Variants in QTMAN observed in about 807,000 individuals in gnomAD.
QTMAN encodes queuosine-tRNA mannosyltransferase.
the QTMAN span, among the ~76,000 whole-genome samples, chr2:144,318,198 C>CACACACACACACAT: frequency 1.4e-5 from 2 of 139,200 alleles, no homozygotes; most frequent in African/African-American, 5.1e-5. Flanking sequence ...TAAATAAACA[C>CACACACACACACAT]ACACACACAC....
chr2:144,066,164 T>C, the QTMAN span, among the ~76,000 whole-genome samples: 1 of 152,164 alleles, frequency 6.6e-6, no homozygotes, highest in Non-Finnish European at 1.5e-5. Context: ...TTTCTTTTTT[T>C]TTCTTTTTTT....
the QTMAN span, among the ~76,000 whole-genome samples, chr2:144,010,264 T>C: frequency 6.6e-6 from 1 of 152,064 alleles, no homozygotes; most frequent in African/African-American, 2.4e-5. Context: ...GGAATTTAGC[T>C]GTGGGCAAGG....
the QTMAN span, among the ~76,000 whole-genome samples, chr2:144,012,520 G>T: frequency 6.6e-6 from 1 of 152,108 alleles, no homozygotes; most frequent in African/African-American, 2.4e-5. Context: ...CAGGCAATAA[G>T]GTTAACACAA....
the QTMAN span, among the ~76,000 whole-genome samples, chr2:144,273,748 G>C: frequency 6.6e-6 from 1 of 152,128 alleles, no homozygotes; most frequent in Admixed American, 6.5e-5. Context: ...TAGAATTCTG[G>C]AGTTGGCAGG....
At chr2:144,205,280 T>C in the QTMAN span, among the ~76,000 whole-genome samples, 2 of 152,204 alleles carry the variant, frequency 1.3e-5, no homozygotes, top group Admixed American at 6.5e-5. Context: ...AGGGGTTCTG[T>C]CCTCATGCTT....
At chr2:144,140,951 G>A in the QTMAN span, among the ~76,000 whole-genome samples, 1 of 152,076 alleles carries the variant, frequency 6.6e-6, no homozygotes, top group East Asian at 1.9e-4. Context: ...TCAGCAATGG[G>A]GTGCAGATGA....
the QTMAN span, among the ~76,000 whole-genome samples, chr2:144,000,811 C>T: frequency 3.3e-5 from 5 of 152,062 alleles, no homozygotes; most frequent in Non-Finnish European, 5.9e-5. Flanking sequence ...TATTCTGTGA[C>T]GATCATTCTT....
the QTMAN span, among the ~76,000 whole-genome samples, chr2:144,107,296 C>CA: frequency 6.6e-6 from 1 of 151,932 alleles, no homozygotes; most frequent in African/African-American, 2.4e-5. Flanking sequence ...AAAAACCCTT[C>CA]AAAAAATCAA....
chr2:144,074,504 A>G, the QTMAN span, among the ~76,000 whole-genome samples: 1 of 152,236 alleles, frequency 6.6e-6, no homozygotes, highest in East Asian at 1.9e-4. Flanking sequence ...TGGGATGATT[A>G]AAGATAAACA....
chr2:143,953,838 T>C, the QTMAN span, among the ~76,000 whole-genome samples: 1 of 151,966 alleles, frequency 6.6e-6, no homozygotes, highest in Non-Finnish European at 1.5e-5. Flanking sequence ...AAGAGTACTC[T>C]GAAGTCATGT....
chr2:143,991,612 G>A, the QTMAN span, among the ~76,000 whole-genome samples: 32 of 141,738 alleles, frequency 2.3e-4, no homozygotes, highest in Middle Eastern at 4.4e-3. Context: ...GGTGAGGGGC[G>A]CCTCTGCCCG....
chr2:143,968,847 G>C, the QTMAN span, among the ~76,000 whole-genome samples: 1 of 152,236 alleles, frequency 6.6e-6, no homozygotes. Context: ...CTCTCTGCCA[G>C]CACCTTACAG....
At chr2:144,075,097 A>G in the QTMAN span, among the ~76,000 whole-genome samples, 1 of 152,210 alleles carries the variant, frequency 6.6e-6, no homozygotes, top group African/African-American at 2.4e-5. Flanking sequence ...TACAATCTAG[A>G]GCTTTCTCAC....
chr2:144,236,080 G>A, the QTMAN span, among the ~76,000 whole-genome samples: 1 of 151,890 alleles, frequency 6.6e-6, no homozygotes, highest in Admixed American at 6.6e-5. Context: ...TAAAATTTGT[G>A]GGTTTATGTA....
At chr2:144,279,060 A>C in the QTMAN span, among the ~76,000 whole-genome samples, 2 of 152,194 alleles carry the variant, frequency 1.3e-5, no homozygotes, top group African/African-American at 2.4e-5. Context: ...GTTCAGTGGC[A>C]CAATTTGAAC....
chr2:144,311,407 T>G, the QTMAN span, among the ~76,000 whole-genome samples: 7 of 152,168 alleles, frequency 4.6e-5, no homozygotes, highest in Non-Finnish European at 1.0e-4. Flanking sequence ...CTAAAGTGAG[T>G]AACGTTTCCA....
the QTMAN span, among the ~76,000 whole-genome samples, chr2:144,162,024 G>C: frequency 6.6e-6 from 1 of 152,216 alleles, no homozygotes; most frequent in Non-Finnish European, 1.5e-5. Context: ...ACGTGGCATA[G>C]ACAGTTGCTC....
chr2:144,114,777 G>T, the QTMAN span, among the ~76,000 whole-genome samples: 5 of 152,190 alleles, frequency 3.3e-5, no homozygotes, highest in Non-Finnish European at 5.9e-5. Context: ...TTGTATAACG[G>T]ACTTGTTATT....
chr2:144,235,709 T>G, the QTMAN span: 3 of 152,664 alleles, frequency 2.0e-5, no homozygotes, highest in East Asian at 5.8e-4. Flanking sequence ...TCCCTTTACA[T>G]ATGTCCAATC....
Sources: allele counts gnomAD v4.1 joint callset (sites outside exome capture counted in the v4.1 genomes callset), GRCh38; gene constraint gnomAD v4.1.1; transcripts MANE v1.5; gene names NCBI Gene and HGNC (gene_info 2026-07-23, HGNC 2026-07-21).